The following TMEM183A variants were observed in gnomAD, a reference collection of about 807,000 sequenced individuals.
TMEM183A encodes transmembrane protein 183A.
A neutral mutation model predicts 46.7 loss-of-function variants in TMEM183A; 21 were observed. The ratio of observed to expected loss-of-function variants is 0.45; its 90% CI spans 0.32 to 0.65. The LOEUF is 0.65. Ranked by LOEUF, TMEM183A falls within the 30% of genes least tolerant of loss-of-function variation. The probability of loss-of-function intolerance (pLI) is 0.04; values close to 1 mark genes in which losing one functional copy is unlikely to be tolerated. For synonymous variants in TMEM183A, 165 were observed against 180.2 expected (o/e 0.92, Z 0.68); for missense variants, 331 against 481.9 (o/e 0.69, Z 2.93).
chr1:203,016,234 G>C, intron 5 of TMEM183A, 94 bp downstream of exon 5: 4 of 1,570,764 alleles, frequency 2.5e-6, no homozygotes, highest in South Asian at 2.2e-5. Flanking sequence ...ATGGGGAGGG[G>C]TGTAGGTCCC....
At chr1:203,014,797 A>G in intron 3 of TMEM183A, 92 bp from the exon 4 acceptor site, 13 of 1,517,052 alleles carry the variant, frequency 8.6e-6, no homozygotes, top group Non-Finnish European at 1.2e-5. Flanking sequence ...CCATTTTCTT[A>G]ACTGTGCAAT....
Position 203,007,501 on chromosome 1 carries a change from C to T in TMEM183A, c.36C>T (p.Arg12=), listed in dbSNP as rs1257188091. 1.3e-6 allele frequency: 2 copies of T among 1,526,464 alleles called. No homozygotes were observed. Among genetic ancestry groups the T allele is most frequent in the East Asian group, 2.5e-5 (1 of 40,658 alleles). 94.6% of individuals were successfully genotyped at this position (1,526,464 alleles called of 1,614,324 possible). A position where few individuals can be genotyped will look rare whatever the true frequency, so the allele number is the denominator to read the frequency against. ...ARGPGPLGRP[R]PDTVAMPKRG... ...GGCCCGGCCCGCTAGGCAGGCCTCGCCCCGATACGGTCGCCATGCCCAAGA... is the reference window on the plus strand; with the variant it reads ...GGCCCGGCCCGCTAGGCAGGCCTCGTCCCGATACGGTCGCCATGCCCAAGA... The change falls in exon 1 of 8, where the codon CGC becomes CGT. Residue 12 remains arginine (R), a synonymous_variant. Transcript: ENST00000367242.
chr1:203,007,693 C>T lies in TMEM183A; in HGVS notation c.110-81C>T, dbSNP rs1656091796. 6.3e-6 allele frequency: 10 copies of T among 1,584,944 alleles called. No individual in the cohort carries two copies. The East Asian group carries it at 2.3e-4, about 36-fold the overall frequency. Reference sequence around the variant, plus strand: ...GCTGGAGGGCGGCTCGGTCCGGGGGCCTGCAGCGAGGAGGAGGTGTTGGCG... The same window carrying T: ...GCTGGAGGGCGGCTCGGTCCGGGGGTCTGCAGCGAGGAGGAGGTGTTGGCG... On this transcript the variant is annotated intron_variant, in intron 1 of 7. Coordinates refer to ENST00000367242, the MANE Select transcript of TMEM183A (RefSeq NM_138391.6).
chr1:203,007,424 A>C lies in TMEM183A; in HGVS notation c.-42A>C, dbSNP rs1376604663. On this transcript the variant is annotated 5_prime_UTR_variant, in exon 1 of 8. Transcript: ENST00000367242. ...GTGGGATGGCCGCGGAGCCGGGCGG[A>C]GCTGGCTTGCGGCTCCCGGGGCCGG... The C allele has an allele frequency of 1.4e-6, 2 of 1,384,108 alleles. No individual in the cohort carries two copies. The highest frequency in any genetic ancestry group is 1.9e-6 in the Non-Finnish European group (2 of 1,067,886). The allele number at this position is 1,384,108 out of a possible 1,614,324, so 85.7% of individuals were successfully genotyped here. A position where few individuals can be genotyped will look rare whatever the true frequency, so the allele number is the denominator to read the frequency against.
intron 7 of TMEM183A, among the ~76,000 whole-genome samples, chr1:203,022,548 C>T (rs1391703917): frequency 1.3e-5 from 2 of 151,858 alleles, no homozygotes; most frequent in East Asian, 3.9e-4. Flanking sequence ...ACTAAAAATA[C>T]AAAAATTAGC....
In TMEM183A at chr1:203,007,811, C is replaced by T. The variant is rs965826790; in HGVS notation, c.147C>T (p.Val49=). Residue 49 remains valine (V), a synonymous_variant, in exon 2 of 8, where the codon GTC becomes GTT. Transcript: ENST00000367242. ...VADYANSDPA[V]VRSGRVKKAV... is the part of the protein sequence containing the mutation. ...ATTACGCCAACTCGGATCCGGCGGT[C>T]GTGAGGTCTGGACGAGTCAAGAAAG... 10 of 1,613,774 alleles carry T rather than the reference C, an allele frequency of 6.2e-6. No individual in the cohort carries two copies. Among genetic ancestry groups the T allele is most frequent in the Admixed American group, 1.7e-5 (1 of 59,998 alleles).
chr1:203,018,388 CAG>C, intron 5 of TMEM183A, 91 bp from the exon 6 acceptor site: 11 of 1,447,814 alleles, frequency 7.6e-6, no homozygotes, highest in South Asian at 1.3e-5. Context: ...AGCTGTCAAA[CAG>C]AAAGGTTTTT....
rs1657138559 is a variant in TMEM183A at position 203,016,032 on chromosome 1, G to A, written c.600G>A (p.Arg200=). 1 of 1,613,910 alleles carries A rather than the reference G, an allele frequency of 6.2e-7. No individual in the cohort carries two copies. Among genetic ancestry groups the A allele is most frequent in the Admixed American group, 1.7e-5 (1 of 60,006 alleles). ...PESMEKLRCL[R]ACVIRSLYHM... is the part of the protein sequence containing the mutation. The stretch of plus-strand genomic sequence containing the variant: ...CAATGGAGAAGCTGCGCTGTCTCCG[G>A]GCTTGTGTGATCCGATCTCTGTACC... The change falls in exon 5 of 8, where the codon CGG becomes CGA. Residue 200 remains arginine, a synonymous_variant. Coordinates refer to ENST00000367242, the MANE Select transcript of TMEM183A (RefSeq NM_138391.6).
chr1:203,018,153 G>A (rs942597247), intron 5 of TMEM183A, among the ~76,000 whole-genome samples: 1 of 152,188 alleles, frequency 6.6e-6, no homozygotes, highest in Non-Finnish European at 1.5e-5. Context: ...GGATTAGCCT[G>A]CTGAATCAGA....
chr1:203,019,154 A>G lies in TMEM183A; in HGVS notation c.789+593A>G, dbSNP rs537398022. Among the ~76,000 whole-genome samples, 16 of 152,304 alleles carry G rather than the reference A, an allele frequency of 1.1e-4. No individual in the cohort carries two copies. In the East Asian group the frequency reaches 3.1e-3, roughly 29 times the overall value. ...GGAAATGCCTATTGGAGCATTTTGG[A>G]TTTTGGGTTTGTGGATTTCAGATGC... On this transcript the variant is annotated intron_variant, in intron 6 of 7. Transcript: ENST00000367242.
chr1:203,007,492 C>T lies in TMEM183A; in HGVS notation c.27C>T (p.Gly9=), dbSNP rs1242650325. The change falls in exon 1 of 8, where the codon GGC becomes GGT. Residue 9 remains glycine, a synonymous_variant. Coordinates refer to ENST00000367242, the MANE Select transcript of TMEM183A (RefSeq NM_138391.6). MARGPGPL[G]RPRPDTVAMP... ...TGGCCCGGGGGCCCGGCCCGCTAGGCAGGCCTCGCCCCGATACGGTCGCCA... is the reference window on the plus strand; with the variant it reads ...TGGCCCGGGGGCCCGGCCCGCTAGGTAGGCCTCGCCCCGATACGGTCGCCA... The T allele has an allele frequency of 6.7e-7, 1 of 1,498,990 alleles. No individual in the cohort carries two copies. The highest frequency in any genetic ancestry group is 8.9e-7 in the Non-Finnish European group (1 of 1,122,788). 92.9% of individuals were successfully genotyped at this position (1,498,990 alleles called of 1,614,324 possible).
intron 4 of TMEM183A, 189 bp downstream of exon 4, chr1:203,015,237 T>A: frequency 1.2e-6 from 1 of 869,374 alleles, no homozygotes; most frequent in Non-Finnish European, 1.7e-6. Flanking sequence ...CAGGTAATTG[T>A]CTTCCGTGTG....
intron 6 of TMEM183A, among the ~76,000 whole-genome samples, chr1:203,020,163 TATTG>T (rs1657534596): frequency 6.6e-6 from 1 of 151,706 alleles, no homozygotes; most frequent in African/African-American, 2.4e-5. Context: ...CTTATTTTCC[TATTG>T]ATTTATTTCA....
chr1:203,022,736 T>G, intron 7 of TMEM183A, 119 bp from the exon 8 acceptor site: 1 of 1,394,436 alleles, frequency 7.2e-7, no homozygotes, highest in South Asian at 1.4e-5. Context: ...GTTTTATAAT[T>G]TAGAGATTAA....
intron 3 of TMEM183A, among the ~76,000 whole-genome samples, chr1:203,012,277 ACG>A (rs1656728644): frequency 6.7e-6 from 1 of 148,320 alleles, no homozygotes; most frequent in African/African-American, 2.5e-5. Context: ...ACACACACAC[ACG>A]GTTATTTTGA....
In TMEM183A at chr1:203,007,805, G is replaced by A. The variant is rs375647100; in HGVS notation, c.141G>A (p.Pro47=). The A allele has an allele frequency of 6.2e-7, 1 of 1,614,006 alleles. No homozygotes were observed. The highest frequency in any genetic ancestry group is 8.5e-7 in the Non-Finnish European group (1 of 1,179,882). The change falls in exon 2 of 8, where the codon CCG becomes CCA. Residue 47 remains proline, a synonymous_variant. Transcript: ENST00000367242. ...TGGCGGATTACGCCAACTCGGATCC[G>A]GCGGTCGTGAGGTCTGGACGAGTCA... ...VTVADYANSD[P]AVVRSGRVKK... is the part of the protein sequence containing the mutation.
At chr1:203,012,199 CGGCCATTTTT>C (rs1656697473) in intron 3 of TMEM183A, among the ~76,000 whole-genome samples, 4 of 98,570 alleles carry the variant, frequency 4.1e-5, no homozygotes, top group South Asian at 3.8e-4. Flanking sequence ...TATTTTGAAA[CGGCCATTTTT>C]ACTTCAACCA....
In TMEM183A at chr1:203,024,385, G is replaced by A. The variant is rs1033659118; in HGVS notation, c.*1345G>A. On this transcript the variant is annotated 3_prime_UTR_variant, in exon 8 of 8. Transcript: ENST00000367242. Reference sequence around the variant, plus strand: ...ACCCTCCACCATCCAAAATTAACCAGTGAGCTGGATATTACCTGGATATTG... The same window carrying A: ...ACCCTCCACCATCCAAAATTAACCAATGAGCTGGATATTACCTGGATATTG... 4 of 152,034 alleles carry A rather than the reference G, an allele frequency of 2.6e-5. No individual in the cohort carries two copies. Among genetic ancestry groups the A allele is most frequent in the African/African-American group, 9.7e-5 (4 of 41,378 alleles). The allele number at this position is 152,034 out of a possible 1,614,324, so 9.4% of individuals were successfully genotyped here. A position where few individuals can be genotyped will look rare whatever the true frequency, so the allele number is the denominator to read the frequency against.
intron 7 of TMEM183A, among the ~76,000 whole-genome samples, chr1:203,021,900 C>G (rs1280529851): frequency 6.6e-6 from 1 of 151,812 alleles, no homozygotes; most frequent in Non-Finnish European, 1.5e-5. Flanking sequence ...TAAATGACTT[C>G]AAATAATACA....
Sources: allele counts gnomAD v4.1 joint callset (sites outside exome capture counted in the v4.1 genomes callset), GRCh38; gene constraint gnomAD v4.1.1; transcripts MANE v1.5; gene names NCBI Gene and HGNC (gene_info 2026-07-23, HGNC 2026-07-21).